The following CFAP299 variants were observed in gnomAD, a reference collection of about 807,000 sequenced individuals.
CFAP299 encodes cilia- and flagella-associated protein 299.
CFAP299 carries 21 observed loss-of-function variants against 27.0 expected under a neutral mutation model. That is an observed-to-expected ratio of 0.78 (90% CI 0.55 to 1.12). CFAP299 has a LOEUF of 1.12. CFAP299 is among the 50% of genes most tolerant of loss of function. The pLI, the probability that CFAP299 is intolerant of heterozygous loss-of-function variation, is 0.00. For synonymous variants in CFAP299, 104 were observed against 98.1 expected (o/e 1.06, Z -0.36); for missense variants, 310 against 276.6 (o/e 1.12, Z -0.86).
At chr4:80,885,676 T>G (rs1015727410) in intron 4 of CFAP299, among the ~76,000 whole-genome samples, 1 of 152,122 alleles carries the variant, frequency 6.6e-6, no homozygotes, top group Non-Finnish European at 1.5e-5. Context: ...ATTCATCACC[T>G]GCTGACTAAA....
At chr4:80,761,911 C>T (rs1278778014) in intron 3 of CFAP299, among the ~76,000 whole-genome samples, 3 of 151,870 alleles carry the variant, frequency 2.0e-5, no homozygotes, top group Admixed American at 1.3e-4. Flanking sequence ...AATCTACAAA[C>T]ACCAAATCAA....
intron 3 of CFAP299, among the ~76,000 whole-genome samples, chr4:80,617,306 T>C (rs965464307): frequency 2.0e-5 from 3 of 152,136 alleles, no homozygotes; most frequent in Admixed American, 6.5e-5. Context: ...CTGGAGTTGC[T>C]CAAAATTGTG....
At chr4:80,681,372 C>A (rs1257213001) in intron 3 of CFAP299, among the ~76,000 whole-genome samples, 1 of 151,442 alleles carries the variant, frequency 6.6e-6, no homozygotes, top group Non-Finnish European at 1.5e-5. Context: ...CCCAGGTGTG[C>A]AGAAAGGAAT....
At chr4:80,361,536 C>A (rs776382595) in intron 1 of CFAP299, among the ~76,000 whole-genome samples, 3 of 152,112 alleles carry the variant, frequency 2.0e-5, no homozygotes, top group Non-Finnish European at 4.4e-5. Flanking sequence ...TTTTGTGGTT[C>A]ACACTAAAGG....
At chr4:80,441,375 G>A (rs1728349144) in intron 2 of CFAP299, among the ~76,000 whole-genome samples, 1 of 152,208 alleles carries the variant, frequency 6.6e-6, no homozygotes, top group African/African-American at 2.4e-5. Context: ...AACCCTGCAA[G>A]CCAGAAGAGA....
At chr4:80,749,906 C>A (rs893903567) in intron 3 of CFAP299, among the ~76,000 whole-genome samples, 2 of 152,212 alleles carry the variant, frequency 1.3e-5, no homozygotes, top group Non-Finnish European at 2.9e-5. Context: ...TACTTTGTAT[C>A]CTTCAGTCCA....
At chr4:80,767,330 T>C (rs1052996033) in intron 3 of CFAP299, among the ~76,000 whole-genome samples, 1 of 151,992 alleles carries the variant, frequency 6.6e-6, no homozygotes, top group East Asian at 1.9e-4. Context: ...TGGTACTAGG[T>C]GGGGCACGGT....
intron 2 of CFAP299, among the ~76,000 whole-genome samples, chr4:80,505,245 C>T (rs1731963879): frequency 6.6e-6 from 1 of 151,846 alleles, no homozygotes; most frequent in East Asian, 1.9e-4. Context: ...CTTGATACTC[C>T]TTAAGGAATA....
Position 80,870,710 on chromosome 4 carries a change from A to C in CFAP299, c.476+575A>C, listed in dbSNP as rs1358188762. 18 of 985,480 alleles carry C rather than the reference A, an allele frequency of 1.8e-5. No homozygotes were observed. In the East Asian group the frequency reaches 1.5e-3, roughly 81 times the overall value. 61.0% of individuals were successfully genotyped at this position (985,480 alleles called of 1,614,324 possible). A position where few individuals can be genotyped will look rare whatever the true frequency, so the allele number is the denominator to read the frequency against. On this transcript the variant is annotated intron_variant, in intron 4 of 5. Transcript: ENST00000358105. Reference sequence around the variant, plus strand: ...TTCTACTCCCTTCTAAATAGCATGCAAGCTAAAACTTTTTATTCCCTCTTA... The same window carrying C: ...TTCTACTCCCTTCTAAATAGCATGCCAGCTAAAACTTTTTATTCCCTCTTA...
chr4:80,909,590 A>G (rs1330015230), intron 4 of CFAP299, among the ~76,000 whole-genome samples: 1 of 151,930 alleles, frequency 6.6e-6, no homozygotes, highest in African/African-American at 2.4e-5. Context: ...ATATTTTCTA[A>G]ACTTTCCTTT....
At chr4:80,324,899 G>A in the CFAP299 span, among the ~76,000 whole-genome samples, 3 of 152,156 alleles carry the variant, frequency 2.0e-5, no homozygotes, top group Admixed American at 1.3e-4. Context: ...GAGGGGGTTG[G>A]AACACCTGAG....
At chr4:80,835,818 T>C (rs1416112879) in intron 3 of CFAP299, among the ~76,000 whole-genome samples, 4 of 152,190 alleles carry the variant, frequency 2.6e-5, no homozygotes, top group African/African-American at 9.7e-5. Context: ...CAAATTTTTA[T>C]AACAGCATTA....
chr4:80,866,994 C>T (rs766749648), intron 3 of CFAP299, among the ~76,000 whole-genome samples: 5 of 152,048 alleles, frequency 3.3e-5, no homozygotes, highest in Non-Finnish European at 7.4e-5. Context: ...TTTTCAAGTT[C>T]TTTAAATCGA....
chr4:80,732,048 TACACAGACACACAGAC>T lies in CFAP299; in HGVS notation c.334-137931_334-137916del, dbSNP rs70956063. Among the ~76,000 whole-genome samples, 135 of 149,500 alleles carry T rather than the reference TACACAGACACACAGAC, an allele frequency of 9.0e-4. 1 individual carries two copies. The highest frequency in any genetic ancestry group is 1.4e-3 in the Non-Finnish European group (92 of 67,514). ...CAATGCAAAGATTTCCCTGCATTCA[TACACAGACACACAGAC>T]ACACAGACACACACACACACACACA... On this transcript the variant is annotated intron_variant, in intron 3 of 5. Transcript: ENST00000358105.
At chr4:80,401,775 C>T (rs546897740) in intron 2 of CFAP299, among the ~76,000 whole-genome samples, 2 of 152,258 alleles carry the variant, frequency 1.3e-5, no homozygotes, top group Admixed American at 6.5e-5. Context: ...AATCGTAGAT[C>T]CACAGACAGC....
chr4:80,948,691 T>G (rs542598743), intron 5 of CFAP299, among the ~76,000 whole-genome samples: 1 of 151,920 alleles, frequency 6.6e-6, no homozygotes, highest in Non-Finnish European at 1.5e-5. Context: ...AAAATATATA[T>G]ATATTTCTTA....
intron 4 of CFAP299, among the ~76,000 whole-genome samples, chr4:80,897,096 C>A (rs928839001): frequency 2.5e-4 from 38 of 152,206 alleles, no homozygotes; most frequent in Admixed American, 1.8e-3. Flanking sequence ...CAGTGAGAAG[C>A]TGCTACCTAT....
chr4:80,785,140 G>GTT (rs34318898), intron 3 of CFAP299, among the ~76,000 whole-genome samples: 15 of 133,824 alleles, frequency 1.1e-4, no homozygotes, highest in Non-Finnish European at 2.0e-4. Flanking sequence ...CTTCCTCTAT[G>GTT]TTTTTTTTTT....
intron 2 of CFAP299, chr4:80,420,338 A>C: frequency 2.5e-6 from 1 of 407,342 alleles, no homozygotes; most frequent in South Asian, 1.8e-5. Flanking sequence ...GTTTGCAGGG[A>C]TGCTTCTGTT....
Sources: allele counts gnomAD v4.1 joint callset (sites outside exome capture counted in the v4.1 genomes callset), GRCh38; gene constraint gnomAD v4.1.1; transcripts MANE v1.5; gene names NCBI Gene and HGNC (gene_info 2026-07-23, HGNC 2026-07-21).